DOK5: variants seen among roughly 807,000 people sequenced by gnomAD.
DOK5 encodes the protein downstream of tyrosine kinase 5.
A neutral mutation model predicts 43.3 loss-of-function variants in DOK5; 27 were observed. That is an observed-to-expected ratio of 0.62 (90% confidence interval 0.46 to 0.86). DOK5 has a LOEUF of 0.86. DOK5 is among the 40% of genes least tolerant of loss of function. DOK5 has a pLI of 0.00. For synonymous variants in DOK5, 146 were observed against 140.1 expected (o/e 1.04, Z -0.30); for missense variants, 373 against 392.9 (o/e 0.95, Z 0.43).
intron 2 of DOK5, among the ~76,000 whole-genome samples, chr20:54,564,507 A>G (rs1330601423): frequency 6.6e-6 from 1 of 152,258 alleles, no homozygotes; most frequent in Admixed American, 6.5e-5. Context: ...ACCATCAAGG[A>G]CAAATTTGTG....
At chr20:54,484,719 T>G (rs1981860366) in intron 1 of DOK5, among the ~76,000 whole-genome samples, 2 of 152,136 alleles carry the variant, frequency 1.3e-5, no homozygotes, top group African/African-American at 4.8e-5. Flanking sequence ...TTCAAGAATA[T>G]TATGTAAATG....
chr20:54,478,671 G>C (rs1013051458), intron 1 of DOK5, among the ~76,000 whole-genome samples: 23 of 152,334 alleles, frequency 1.5e-4, no homozygotes, highest in African/African-American at 5.1e-4. Flanking sequence ...AGAAAGAGGA[G>C]AAGGGAACGC....
At chr20:54,572,668 G>A (rs1189865903) in intron 2 of DOK5, among the ~76,000 whole-genome samples, 1 of 152,098 alleles carries the variant, frequency 6.6e-6, no homozygotes, top group Non-Finnish European at 1.5e-5. Context: ...TGGCCCACAA[G>A]CAACGCAGGC....
At chr20:54,546,036 G>T (rs2146720529) in intron 1 of DOK5, among the ~76,000 whole-genome samples, 1 of 152,276 alleles carries the variant, frequency 6.6e-6, no homozygotes, top group Middle Eastern at 3.4e-3. Context: ...AAAATTCCTG[G>T]AGTAGTGGTT....
At chr20:54,612,707 T>C (rs1986688920) in intron 6 of DOK5, among the ~76,000 whole-genome samples, 1 of 152,220 alleles carries the variant, frequency 6.6e-6, no homozygotes. Context: ...TCTTGGTGTA[T>C]ATATCCTATT....
At chr20:54,510,606 A>G (rs558357300) in intron 1 of DOK5, among the ~76,000 whole-genome samples, 233 of 152,172 alleles carry the variant, frequency 1.5e-3, no homozygotes, top group Non-Finnish European at 2.5e-3. Flanking sequence ...TAAATTCAAC[A>G]TAGGATCCCA....
intron 2 of DOK5, among the ~76,000 whole-genome samples, chr20:54,573,233 T>C (rs1173671004): frequency 6.6e-6 from 1 of 151,836 alleles, no homozygotes; most frequent in Non-Finnish European, 1.5e-5. Context: ...AGGGTGAGAG[T>C]GAGCCAATGG....
intron 2 of DOK5, among the ~76,000 whole-genome samples, chr20:54,569,871 A>C (rs1472498806): frequency 6.6e-6 from 1 of 152,224 alleles, no homozygotes; most frequent in Non-Finnish European, 1.5e-5. Context: ...GGGCATGTAG[A>C]TATTTTTGGA....
At chr20:54,489,521 G>A (rs13044898) in intron 1 of DOK5, among the ~76,000 whole-genome samples, 12,723 of 152,100 alleles carry the variant, frequency 0.084, 597 homozygotes, top group Middle Eastern at 0.13. Flanking sequence ...TGAATAATTC[G>A]ATAGGATTCC....
chr20:54,481,597 G>T (rs1307466877), intron 1 of DOK5, among the ~76,000 whole-genome samples: 1 of 152,152 alleles, frequency 6.6e-6, no homozygotes, highest in African/African-American at 2.4e-5. Flanking sequence ...GACATGTGAA[G>T]CTACATGAGG....
chr20:54,513,495 A>G (rs553758786), intron 1 of DOK5, among the ~76,000 whole-genome samples: 29 of 150,278 alleles, frequency 1.9e-4, no homozygotes, highest in African/African-American at 6.8e-4. Flanking sequence ...AAAACCCAAC[A>G]TCCATTTGTA....
chr20:54,476,355 G>T (rs1357585937), intron 1 of DOK5, among the ~76,000 whole-genome samples: 1 of 152,168 alleles, frequency 6.6e-6, no homozygotes, highest in Non-Finnish European at 1.5e-5. Flanking sequence ...GATGCCCCCG[G>T]TTCCCCTCTT....
chr20:54,644,909 ATTTGTTTTGT>A (rs1261648983), intron 7 of DOK5, among the ~76,000 whole-genome samples: 13 of 134,362 alleles, frequency 9.7e-5, no homozygotes, highest in Non-Finnish European at 9.9e-5. Flanking sequence ...TTTCAAACAT[ATTTGTTTTGT>A]TTTGTTTTTC....
chr20:54,644,720 A>AC (rs1568827221), intron 7 of DOK5, among the ~76,000 whole-genome samples: 1,467 of 137,538 alleles, frequency 0.011, 44 homozygotes, highest in African/African-American at 0.046. Flanking sequence ...AAAAAAAAAA[A>AC]AAAACAAAAT....
At chr20:54,632,827 A>T (rs1978632687) in intron 6 of DOK5, among the ~76,000 whole-genome samples, 1 of 152,212 alleles carries the variant, frequency 6.6e-6, no homozygotes, top group Admixed American at 6.5e-5. Flanking sequence ...CTGGAATCCC[A>T]GCACTTTGGG....
chr20:54,623,688 T>C (rs1045143026), intron 6 of DOK5, among the ~76,000 whole-genome samples: 7 of 152,126 alleles, frequency 4.6e-5, no homozygotes, highest in Middle Eastern at 3.2e-3. Flanking sequence ...CAAGCAATTC[T>C]CCTGCCTCAG....
intron 1 of DOK5, among the ~76,000 whole-genome samples, chr20:54,529,777 G>A (rs1488807627): frequency 1.2e-4 from 18 of 152,088 alleles, no homozygotes; most frequent in Admixed American, 1.1e-3. Context: ...CTGTTTTCAT[G>A]CATTGGCTTC....
At chr20:54,483,453 C>A (rs1981807443) in intron 1 of DOK5, among the ~76,000 whole-genome samples, 1 of 152,264 alleles carries the variant, frequency 6.6e-6, no homozygotes, top group South Asian at 2.1e-4. Flanking sequence ...AAGGAGTTGA[C>A]AATTTAATTT....
intron 1 of DOK5, among the ~76,000 whole-genome samples, chr20:54,554,496 T>A (rs1292679424): frequency 6.6e-6 from 1 of 152,226 alleles, no homozygotes; most frequent in African/African-American, 2.4e-5. Context: ...CCATCCATTA[T>A]GAGGAATATC....
Sources: allele counts gnomAD v4.1 joint callset (sites outside exome capture counted in the v4.1 genomes callset), GRCh38; gene constraint gnomAD v4.1.1; transcripts MANE v1.5; gene names NCBI Gene and HGNC (gene_info 2026-07-23, HGNC 2026-07-21).